Variants in CENPS observed in about 807,000 individuals in gnomAD.
CENPS encodes centromere protein S.
A neutral mutation model predicts 17.9 loss-of-function variants in CENPS; 16 were observed. The ratio of observed to expected loss-of-function variants is 0.90; its 90% CI spans 0.61 to 1.36. The LOEUF (loss-of-function observed/expected upper bound fraction) is 1.36. Among genes scored for constraint, CENPS ranks in the 40% most tolerant of loss-of-function variants. CENPS has a pLI of 0.00. For missense variants in CENPS, 160 were observed against 158.6 expected (o/e 1.01, Z -0.05); for synonymous variants, 49 against 55.8 (o/e 0.88, Z 0.54).
intron 4 of CENPS, 74 bp from the exon 5 acceptor site, chr1:10,442,191 A>C (rs1017179801): frequency 2.1e-5 from 32 of 1,514,768 alleles, no homozygotes; most frequent in East Asian, 2.5e-5. Context: ...TGGAGGGTTT[A>C]GTTTCGTTTG....
chr1:10,434,298 T>A (rs1640052445), intron 2 of CENPS, among the ~76,000 whole-genome samples: 1 of 152,204 alleles, frequency 6.6e-6, no homozygotes, highest in Admixed American at 6.6e-5. Context: ...CTTTGACAGC[T>A]GAGCTTGTAG....
chr1:10,431,956 CATTGTCAAGTG>C (rs201285170), intron 1 of CENPS, among the ~76,000 whole-genome samples: 1,823 of 151,836 alleles, frequency 0.012, 38 homozygotes, highest in African/African-American at 0.042. Flanking sequence ...ATTGAATGTG[CATTGTCAAGTG>C]CCCCCACTTG....
intron 1 of CENPS, 73 bp downstream of exon 1, chr1:10,430,641 AG>A: frequency 4.7e-6 from 7 of 1,484,600 alleles, no homozygotes; most frequent in Non-Finnish European, 6.3e-6. Flanking sequence ...AGTACCCGGC[AG>A]CCCCCGGCGG....
intron 1 of CENPS, among the ~76,000 whole-genome samples, chr1:10,433,362 C>T (rs1163652326): frequency 6.6e-6 from 1 of 152,164 alleles, no homozygotes; most frequent in Non-Finnish European, 1.5e-5. Context: ...GTACTTCTGT[C>T]CTCTGTGACG....
At chr1:10,435,710 T>TACACACACACACACACACACAC (rs778086497) in intron 3 of CENPS, among the ~76,000 whole-genome samples, 104 of 143,558 alleles carry the variant, frequency 7.2e-4, no homozygotes, top group African/African-American at 2.6e-3. Context: ...ATAATATATA[T>TACACACACACACACACACACAC]ATATATACAC....
chr1:10,441,683 T>A (rs1640420224), intron 4 of CENPS, among the ~76,000 whole-genome samples: 1 of 133,488 alleles, frequency 7.5e-6, no homozygotes, highest in Non-Finnish European at 1.5e-5. Context: ...TGGAGTGCAG[T>A]GGCGTGATCT....
chr1:10,430,889 G>C (rs1401047882), intron 1 of CENPS: 2 of 1,287,004 alleles, frequency 1.6e-6, no homozygotes, highest in Middle Eastern at 3.0e-4. Flanking sequence ...GGGTTTTCGT[G>C]AGGGTACAAC....
chr1:10,432,759 G>T (rs1639979470), intron 1 of CENPS, among the ~76,000 whole-genome samples: 1 of 152,274 alleles, frequency 6.6e-6, no homozygotes, highest in East Asian at 1.9e-4. Flanking sequence ...GCCGGGCAGG[G>T]TGTTGTGGGC....
chr1:10,439,544 A>G (rs144326008), intron 3 of CENPS, among the ~76,000 whole-genome samples: 214 of 152,252 alleles, frequency 1.4e-3, no homozygotes, highest in African/African-American at 4.9e-3. Flanking sequence ...GTTCAAGACC[A>G]GCCTGGCCAA....
chr1:10,441,905 G>A (rs370604054), intron 4 of CENPS, among the ~76,000 whole-genome samples: 16 of 150,518 alleles, frequency 1.1e-4, no homozygotes, highest in Middle Eastern at 3.5e-3. Context: ...GATTACAGGC[G>A]TGAGCCACCG....
At chr1:10,431,475 C>T (rs1639911009) in intron 1 of CENPS, 8 of 1,461,308 alleles carry the variant, frequency 5.5e-6, no homozygotes, top group Non-Finnish European at 7.4e-6. Context: ...TCCCATGCTT[C>T]CCTCCCAGCC....
rs750538622 is a variant in CENPS at position 10,442,214 on chromosome 1, G to T, written c.277-51G>T. 1.8e-4 allele frequency: 276 copies of T among 1,533,202 alleles called. 1 individual carries two copies. Among genetic ancestry groups the T allele is most frequent in the Non-Finnish European group, 2.2e-4 (249 of 1,150,744 alleles). 95.0% of individuals were successfully genotyped at this position (1,533,202 alleles called of 1,614,324 possible). A position where few individuals can be genotyped will look rare whatever the true frequency, so the allele number is the denominator to read the frequency against. ...TTAGTTTCGTTTGTTTGTTTATTTAGGTTTATAAAATGGTTACAGCCAGAT... is the reference window on the plus strand; with the variant it reads ...TTAGTTTCGTTTGTTTGTTTATTTATGTTTATAAAATGGTTACAGCCAGAT... On this transcript the variant is annotated intron_variant, in intron 4 of 4. Transcript: ENST00000309048.
chr1:10,438,728 A>G (rs570132391), intron 3 of CENPS, among the ~76,000 whole-genome samples: 50 of 152,268 alleles, frequency 3.3e-4, no homozygotes, highest in African/African-American at 1.1e-3. Context: ...CTTAGTGCAG[A>G]GATAGCAGAG....
intron 3 of CENPS, 63 bp from the exon 4 acceptor site, chr1:10,440,284 T>C: frequency 4.4e-6 from 7 of 1,591,228 alleles, no homozygotes; most frequent in Non-Finnish European, 6.0e-6. Context: ...TGAACTTCTG[T>C]GTTTCATCAA....
intron 4 of CENPS, 69 bp from the exon 5 acceptor site, chr1:10,442,191 AGTTTC>A: frequency 6.6e-7 from 1 of 1,514,886 alleles, no homozygotes; most frequent in Non-Finnish European, 8.8e-7. Flanking sequence ...TGGAGGGTTT[AGTTTC>A]GTTTGTTTGT....
At chr1:10,430,621 T>C (rs1380283290) in intron 1 of CENPS, 53 bp downstream of exon 1, 2 of 1,515,452 alleles carry the variant, frequency 1.3e-6, no homozygotes, top group Non-Finnish European at 1.8e-6. Context: ...GTCGAGTTTC[T>C]GGACAGAAAA....
chr1:10,434,792 CGT>C (rs1640074138), intron 3 of CENPS, 102 bp downstream of exon 3: 11 of 1,437,688 alleles, frequency 7.7e-6, no homozygotes, highest in Middle Eastern at 1.9e-4. Context: ...TTCAGTTTTC[CGT>C]GTGTTTTGTG....
intron 3 of CENPS, 58 bp from the exon 4 acceptor site, chr1:10,440,289 C>T (rs1052985854): frequency 7.5e-6 from 12 of 1,595,716 alleles, no homozygotes; most frequent in Non-Finnish European, 1.0e-5. Flanking sequence ...TTCTGTGTTT[C>T]ATCAAAACTT....
chr1:10,440,701 G>C (rs1053041631), intron 4 of CENPS, among the ~76,000 whole-genome samples: 1 of 152,236 alleles, frequency 6.6e-6, no homozygotes, highest in Admixed American at 6.5e-5. Flanking sequence ...TGATGTCAGA[G>C]ACTGGTCACA....
Sources: allele counts gnomAD v4.1 joint callset (sites outside exome capture counted in the v4.1 genomes callset), GRCh38; gene constraint gnomAD v4.1.1; transcripts MANE v1.5; gene names NCBI Gene and HGNC (gene_info 2026-07-23, HGNC 2026-07-21).